Variants in ADAMTS12 observed in about 807,000 individuals in gnomAD.
The protein encoded by ADAMTS12 is A disintegrin and metalloproteinase with thrombospondin motifs 12.
In ADAMTS12, 118 loss-of-function variants were observed where a neutral mutation model predicts 167.8. The ratio of observed to expected loss-of-function variants is 0.70; its 90% CI spans 0.61 to 0.82. The LOEUF is 0.82. ADAMTS12 is among the 40% of genes least tolerant of loss of function. ADAMTS12 has a pLI of 0.00. For missense variants in ADAMTS12, 1,916 were observed against 1,998.8 expected (o/e 0.96, Z 0.79); for synonymous variants, 704 against 716.9 (o/e 0.98, Z 0.29).
chr5:33,567,315 C>T (rs1258881679), intron 19 of ADAMTS12, among the ~76,000 whole-genome samples: 1 of 152,164 alleles, frequency 6.6e-6, no homozygotes, highest in Admixed American at 6.5e-5. Flanking sequence ...GACCTTATTG[C>T]CATTAACTAA....
chr5:33,844,819 C>T (rs531418730), intron 2 of ADAMTS12, among the ~76,000 whole-genome samples: 210 of 152,194 alleles, frequency 1.4e-3, no homozygotes, highest in African/African-American at 4.5e-3. Flanking sequence ...CGGAACCTAC[C>T]GAAATGTGAT....
At chr5:33,690,274 C>G (rs1742504953) in intron 3 of ADAMTS12, among the ~76,000 whole-genome samples, 1 of 152,052 alleles carries the variant, frequency 6.6e-6, no homozygotes, top group African/African-American at 2.4e-5. Context: ...TAACTGAGAA[C>G]AAAAAATATT....
intron 5 of ADAMTS12, among the ~76,000 whole-genome samples, chr5:33,671,275 A>T (rs1215735649): frequency 6.6e-6 from 1 of 152,174 alleles, no homozygotes; most frequent in Non-Finnish European, 1.5e-5. Flanking sequence ...TGTGTGACAA[A>T]AATCGCATAG....
At chr5:33,785,482 TG>T (rs1746294780) in intron 2 of ADAMTS12, among the ~76,000 whole-genome samples, 1 of 152,144 alleles carries the variant, frequency 6.6e-6, no homozygotes, top group South Asian at 2.1e-4. Flanking sequence ...TTTGTGTGTG[TG>T]CATGTATGCT....
chr5:33,639,718 C>T (rs982489736), intron 11 of ADAMTS12, among the ~76,000 whole-genome samples: 8 of 152,204 alleles, frequency 5.3e-5, no homozygotes, highest in African/African-American at 1.9e-4. Flanking sequence ...CCACAAAATC[C>T]TGAGAGACAG....
rs1012135759 is a variant in ADAMTS12, at chr5:33,588,385, A to G, written c.2865+214T>C. On this transcript the variant is annotated intron_variant, in intron 18 of 23. Transcript: ENST00000504830. Reference sequence around the variant, plus strand: ...GGGGGGTCTACCTCACCCCTGTCAGATAGTAAGCTGACCATTGAGCAAGTG... The same window carrying G: ...GGGGGGTCTACCTCACCCCTGTCAGGTAGTAAGCTGACCATTGAGCAAGTG... 3.3e-5 allele frequency among the ~76,000 whole-genome samples: 5 copies of G among 152,164 alleles called. 1 individual carries two copies. Among genetic ancestry groups the G allele is most frequent in the African/African-American group, 1.2e-4 (5 of 41,442 alleles).
At chr5:33,687,034 G>A (rs1275594595) in intron 3 of ADAMTS12, among the ~76,000 whole-genome samples, 1 of 150,666 alleles carries the variant, frequency 6.6e-6, no homozygotes, top group East Asian at 2.0e-4. Flanking sequence ...CTGCTGTTTA[G>A]GACACCCAGT....
intron 13 of ADAMTS12, among the ~76,000 whole-genome samples, chr5:33,625,353 A>C (rs1739535038): frequency 6.6e-6 from 1 of 151,692 alleles, no homozygotes; most frequent in Non-Finnish European, 1.5e-5. Context: ...TGGGAAAAAA[A>C]GCAATGTGGG....
chr5:33,555,438 C>T (rs765094315), intron 20 of ADAMTS12, among the ~76,000 whole-genome samples: 20 of 152,038 alleles, frequency 1.3e-4, no homozygotes, highest in Non-Finnish European at 2.5e-4. Flanking sequence ...TCAGTGGAGA[C>T]GGGGTTTTGC....
chr5:33,583,129 C>T (rs1747156972), intron 18 of ADAMTS12, among the ~76,000 whole-genome samples: 1 of 152,134 alleles, frequency 6.6e-6, no homozygotes. Context: ...TCCCCACCTT[C>T]CCTGCAAACT....
At chr5:33,638,053 T>C (rs1740278672) in intron 11 of ADAMTS12, among the ~76,000 whole-genome samples, 1 of 152,188 alleles carries the variant, frequency 6.6e-6, no homozygotes, top group Non-Finnish European at 1.5e-5. Flanking sequence ...TGATTCCTAT[T>C]TGGTGAGTTA....
At chr5:33,870,216 C>A (rs1436927282) in intron 2 of ADAMTS12, among the ~76,000 whole-genome samples, 1 of 152,114 alleles carries the variant, frequency 6.6e-6, no homozygotes, top group Non-Finnish European at 1.5e-5. Context: ...TTAATGCAAT[C>A]ATCACAGGGT....
chr5:33,875,510 T>A (rs1750197127), intron 2 of ADAMTS12, among the ~76,000 whole-genome samples: 1 of 152,154 alleles, frequency 6.6e-6, no homozygotes, highest in African/African-American at 2.4e-5. Flanking sequence ...AAACACTTTT[T>A]AAAAAATTAA....
intron 2 of ADAMTS12, among the ~76,000 whole-genome samples, chr5:33,870,604 G>A (rs868165373): frequency 4.6e-5 from 7 of 152,114 alleles, no homozygotes; most frequent in South Asian, 4.1e-4. Flanking sequence ...TGAGAATAAC[G>A]TGAGATTTAG....
At chr5:33,681,879 A>G (rs1353727718) in intron 5 of ADAMTS12, among the ~76,000 whole-genome samples, 1 of 152,236 alleles carries the variant, frequency 6.6e-6, no homozygotes, top group African/African-American at 2.4e-5. Flanking sequence ...AGGAAAGATC[A>G]TGAAAGTCAC....
intron 16 of ADAMTS12, among the ~76,000 whole-genome samples, chr5:33,602,299 T>A (rs1176722318): frequency 6.6e-6 from 1 of 152,230 alleles, no homozygotes; most frequent in Non-Finnish European, 1.5e-5. Flanking sequence ...TTCTCATTTC[T>A]TCATTAGTGA....
chr5:33,831,328 T>G (rs1193911473), intron 2 of ADAMTS12, among the ~76,000 whole-genome samples: 1 of 152,326 alleles, frequency 6.6e-6, no homozygotes, highest in East Asian at 1.9e-4. Flanking sequence ...ATGACAGAAC[T>G]AGAATTCCAG....
In ADAMTS12 at chr5:33,526,475, A is replaced by G. The variant is rs1378716520; in HGVS notation, c.*713T>C. ...GAGTTTTCATAGAAATGCTCTTCAAACCAGAAGTGTTTTCTGTGTAAGTGA... is the reference window on the plus strand; with the variant it reads ...GAGTTTTCATAGAAATGCTCTTCAAGCCAGAAGTGTTTTCTGTGTAAGTGA... On this transcript the variant is annotated 3_prime_UTR_variant, in exon 24 of 24. Coordinates refer to ENST00000504830, the MANE Select transcript of ADAMTS12 (RefSeq NM_030955.4). The G allele has an allele frequency of 6.6e-6, 1 of 152,200 alleles. No individual in the cohort carries two copies. The highest frequency in any genetic ancestry group is 1.5e-5 in the Non-Finnish European group (1 of 68,036). 9.4% of individuals were successfully genotyped at this position (152,200 alleles called of 1,614,324 possible).
At chr5:33,755,693 G>A (rs1156999659) in intron 2 of ADAMTS12, among the ~76,000 whole-genome samples, 1 of 152,188 alleles carries the variant, frequency 6.6e-6, no homozygotes, top group East Asian at 1.9e-4. Flanking sequence ...TGAAGGGTAA[G>A]AGCCAATGAT....
Sources: gnomAD v4.1 joint callset for allele counts (sites outside exome capture counted in the v4.1 genomes callset) on GRCh38, gnomAD v4.1.1 for gene constraint, MANE v1.5 for transcripts, NCBI Gene and HGNC (gene_info 2026-07-23, HGNC 2026-07-21) for gene names.